The following TSPEAR variants were observed in gnomAD, a reference collection of about 807,000 sequenced individuals.
TSPEAR encodes the protein thrombospondin-type laminin G domain and EAR repeat-containing protein.
A neutral mutation model predicts 71.6 loss-of-function variants in TSPEAR; 69 were observed. That is an observed-to-expected ratio of 0.96 (90% confidence interval 0.79 to 1.18). TSPEAR has a LOEUF of 1.18. Among genes scored for constraint, TSPEAR ranks in the 50% most tolerant of loss-of-function variants. The pLI is 0.00. For missense variants in TSPEAR, 971 were observed against 894.9 expected (o/e 1.09, Z -1.09); for synonymous variants, 402 against 387.2 (o/e 1.04, Z -0.45).
chr21:44,587,706 C>G (rs1403458560), intron 1 of TSPEAR, among the ~76,000 whole-genome samples: 2 of 152,114 alleles, frequency 1.3e-5, no homozygotes, highest in African/African-American at 2.4e-5. Flanking sequence ...AATAGAGAAC[C>G]CAGAAATAAA....
chr21:44,646,528 G>A (rs753732254), intron 1 of TSPEAR: 2 of 1,612,714 alleles, frequency 1.2e-6, no homozygotes, highest in South Asian at 1.1e-5. Flanking sequence ...CGACTGCCCA[G>A]AGAGCTGCTG....
At chr21:44,700,708 C>G (rs1247837560) in intron 1 of TSPEAR, among the ~76,000 whole-genome samples, 3 of 152,214 alleles carry the variant, frequency 2.0e-5, no homozygotes, top group African/African-American at 7.2e-5. Context: ...GGGAAACCTT[C>G]CACCTAAAGG....
intron 9 of TSPEAR, chr21:44,518,180 A>ATAACT: frequency 2.6e-6 from 1 of 387,736 alleles, no homozygotes; most frequent in Middle Eastern, 3.7e-4. Flanking sequence ...GAAGACAAGT[A>ATAACT]TAACTTAAAA....
chr21:44,616,389 C>T (rs781787211), intron 1 of TSPEAR, among the ~76,000 whole-genome samples: 2 of 152,200 alleles, frequency 1.3e-5, no homozygotes, highest in African/African-American at 2.4e-5. Context: ...CACCACCTTC[C>T]ACACAACCAC....
intron 11 of TSPEAR, among the ~76,000 whole-genome samples, chr21:44,500,913 C>A (rs189458897): frequency 2.9e-4 from 44 of 152,312 alleles, no homozygotes; most frequent in African/African-American, 9.9e-4. Flanking sequence ...AAGCTTTTAA[C>A]ACAGGTGGTC....
chr21:44,602,806 A>G (rs2146155050), intron 1 of TSPEAR, among the ~76,000 whole-genome samples: 1 of 152,260 alleles, frequency 6.6e-6, no homozygotes, highest in East Asian at 1.9e-4. Context: ...AGGCCTCCAA[A>G]GCTGAGCCTG....
chr21:44,559,048 C>G (rs1360668582), intron 2 of TSPEAR, among the ~76,000 whole-genome samples: 1 of 152,114 alleles, frequency 6.6e-6, no homozygotes, highest in Non-Finnish European at 1.5e-5. Context: ...ACTGCAGAAG[C>G]AGGGACAGTG....
At chr21:44,522,241 C>G (rs1281242506) in intron 8 of TSPEAR, 129 bp from the exon 9 acceptor site, 2 of 785,266 alleles carry the variant, frequency 2.5e-6, no homozygotes, top group Admixed American at 4.4e-5. Context: ...AGGCCAACCG[C>G]TGGGGACATC....
At chr21:44,533,380 TTGCCCCCTGGTCGGCTCC>T (rs1163305256) in intron 3 of TSPEAR, among the ~76,000 whole-genome samples, 1 of 152,006 alleles carries the variant, frequency 6.6e-6, no homozygotes, top group African/African-American at 2.4e-5. Flanking sequence ...TGAATGGCTC[TTGCCCCCTGGTCGGCTCC>T]TGCCCCGTGG....
intron 1 of TSPEAR, chr21:44,646,538 G>A: frequency 1.9e-6 from 3 of 1,612,656 alleles, no homozygotes; most frequent in Non-Finnish European, 2.5e-6. Context: ...GAGAGCTGCT[G>A]TGAGCCCCCC....
chr21:44,612,794 G>T lies in TSPEAR; in HGVS notation c.83-44789C>A. ...GCCTGTCCCCTCCTGTTGTGTCCCT[G>T]CCTCCTCCTGCCAGCCCAGCTGCTG... On this transcript the variant is annotated intron_variant, in intron 1 of 11. Coordinates refer to ENST00000323084, the MANE Select transcript of TSPEAR (RefSeq NM_144991.3). The surrounding 1 kb of genome is among the most constrained non-coding windows in gnomAD (Gnocchi z 4.1). 6.2e-7 allele frequency: 1 copy of T among 1,612,888 alleles called. No individual in the cohort carries two copies. Among genetic ancestry groups the T allele is most frequent in the Non-Finnish European group, 8.5e-7 (1 of 1,179,872 alleles).
chr21:44,687,393 T>C lies in TSPEAR; in HGVS notation c.82+24040A>G, dbSNP rs555385640. ...AAACCGGAACGGCCCATGTGCCCAT[T>C]AGCTGGTGGATGGATAAACACAGCG... On this transcript the variant is annotated intron_variant, in intron 1 of 11. Transcript: ENST00000323084. The surrounding 1 kb of genome is among the most constrained non-coding windows in gnomAD (Gnocchi z 4.4). 2.0e-5 allele frequency among the ~76,000 whole-genome samples: 3 copies of C among 152,240 alleles called. No homozygotes were observed. The highest frequency in any genetic ancestry group is 4.2e-4 in the South Asian group (2 of 4,816).
Position 44,646,712 on chromosome 21 carries a change from G to T in TSPEAR, c.82+64721C>A, listed in dbSNP as rs781980894. The T allele has an allele frequency of 2.5e-6, 4 of 1,614,152 alleles. No individual in the cohort carries two copies. In the South Asian group the frequency reaches 4.4e-5, roughly 18 times the overall value. ...CCGTCATGCTGCCAGCAGTCTAGCT[G>T]CCAGCCGGCTTGCTGCACCTCCTCC... On this transcript the variant is annotated intron_variant, in intron 1 of 11. Coordinates refer to ENST00000323084, the MANE Select transcript of TSPEAR (RefSeq NM_144991.3).
chr21:44,708,007 GCACA>G (rs58196199), intron 1 of TSPEAR, among the ~76,000 whole-genome samples: 30,457 of 121,976 alleles, frequency 0.25, 4,154 homozygotes, highest in Non-Finnish European at 0.28. Flanking sequence ...CCCCGCGCGT[GCACA>G]CACACACACA....
intron 11 of TSPEAR, among the ~76,000 whole-genome samples, chr21:44,501,706 A>G (rs1212470091): frequency 6.6e-6 from 1 of 152,184 alleles, no homozygotes; most frequent in East Asian, 1.9e-4. Flanking sequence ...TTCAGCCTGC[A>G]ATGAGCTGAG....
At chr21:44,539,225 C>G (rs587620839) in intron 2 of TSPEAR, 1 of 1,559,404 alleles carries the variant, frequency 6.4e-7, no homozygotes, top group South Asian at 1.2e-5. Flanking sequence ...AGCCACCTAA[C>G]CCAGGTCAGG....
chr21:44,628,975 C>T (rs587705923), intron 1 of TSPEAR, among the ~76,000 whole-genome samples: 10 of 152,178 alleles, frequency 6.6e-5, no homozygotes, highest in South Asian at 2.1e-4. Flanking sequence ...GGTCTCAGGG[C>T]GGCGATGACA....
intron 1 of TSPEAR, chr21:44,592,622 G>A (rs1241905265): frequency 1.4e-5 from 19 of 1,344,948 alleles, no homozygotes; most frequent in Non-Finnish European, 1.9e-5. Context: ...AGTCTGCCGG[G>A]ATTAGGGGTG....
At chr21:44,680,134 G>A (rs1986508548) in intron 1 of TSPEAR, among the ~76,000 whole-genome samples, 1 of 152,090 alleles carries the variant, frequency 6.6e-6, no homozygotes, top group Non-Finnish European at 1.5e-5. Flanking sequence ...TGTAAACTAT[G>A]CATCTGACAA....
Sources: allele counts gnomAD v4.1 joint callset (sites outside exome capture counted in the v4.1 genomes callset), GRCh38; gene constraint gnomAD v4.1.1; non-coding constraint Gnocchi (gnomAD v3.1); transcripts MANE v1.5; gene names NCBI Gene and HGNC (gene_info 2026-07-23, HGNC 2026-07-21).